WDFY4: variants seen among roughly 807,000 people sequenced by gnomAD.
WDFY4 encodes the protein WDFY family member 4, also known as WD repeat- and FYVE domain-containing protein 4.
A neutral mutation model predicts 351.9 loss-of-function variants in WDFY4; 169 were observed. The observed-to-expected ratio is 0.48, with a 90% CI of 0.42 to 0.55. WDFY4 has a LOEUF of 0.55. Among genes scored for constraint, WDFY4 ranks in the 20% least tolerant of loss-of-function variants. The pLI, the probability that WDFY4 is intolerant of heterozygous loss-of-function variation, is 0.00. For synonymous variants in WDFY4, 1,622 were observed against 1,574.6 expected (o/e 1.03, Z -0.71); for missense variants, 3,803 against 3,935.6 (o/e 0.97, Z 0.90).
At position 48,963,816 on chromosome 10, in the gene WDFY4, T is replaced by C. The variant is rs544051659; in HGVS notation, c.8224-26T>C. 1.0e-4 allele frequency: 160 copies of C among 1,550,590 alleles called. 3 individuals carry two copies. In the South Asian group the frequency reaches 1.8e-3, roughly 18 times the overall value. ...ATGAGTCCATGAGTGGCCTGGGTTT[T>C]AATGCTCTTTGGGTTTTTGTTCCAG... On this transcript the variant is annotated intron_variant, in intron 53 of 61. Coordinates refer to ENST00000325239, the MANE Select transcript of WDFY4 (RefSeq NM_001394531.1).
intron 47 of WDFY4, among the ~76,000 whole-genome samples, chr10:48,933,332 G>A (rs1371012504): frequency 6.6e-6 from 1 of 152,216 alleles, no homozygotes; most frequent in African/African-American, 2.4e-5. Context: ...CCACTTCACA[G>A]ATGAAACACC....
intron 30 of WDFY4, among the ~76,000 whole-genome samples, chr10:48,812,196 T>C (rs2067475979): frequency 1.3e-5 from 2 of 149,460 alleles, no homozygotes; most frequent in South Asian, 4.2e-4. Context: ...TTTTGTTTTT[T>C]TTGTTTTTTT....
chr10:48,791,102 C>T (rs1047260064), intron 23 of WDFY4, among the ~76,000 whole-genome samples, 185 bp downstream of exon 23: 6 of 152,226 alleles, frequency 3.9e-5, no homozygotes, highest in Non-Finnish European at 8.8e-5. Context: ...CGACAGCCAG[C>T]CCAAGAGCTC....
chr10:48,885,390 A>G (rs2070413394), intron 43 of WDFY4, among the ~76,000 whole-genome samples: 1 of 152,226 alleles, frequency 6.6e-6, no homozygotes, highest in South Asian at 2.1e-4. Context: ...CTTAGTGAAC[A>G]CAGGTTATGG....
intron 51 of WDFY4, among the ~76,000 whole-genome samples, chr10:48,952,820 C>A (rs940050750): frequency 6.6e-6 from 1 of 152,230 alleles, no homozygotes; most frequent in Non-Finnish European, 1.5e-5. Flanking sequence ...GCAGCTGGAC[C>A]AGTGCGTGGG....
chr10:48,869,688 G>A (rs758387204), intron 40 of WDFY4, among the ~76,000 whole-genome samples: 2 of 151,856 alleles, frequency 1.3e-5, no homozygotes, highest in African/African-American at 2.4e-5. Flanking sequence ...ACATACTTAG[G>A]CCATCCAGTT....
intron 47 of WDFY4, among the ~76,000 whole-genome samples, chr10:48,936,362 T>C (rs1840359647): frequency 6.6e-6 from 1 of 152,150 alleles, no homozygotes; most frequent in East Asian, 1.9e-4. Flanking sequence ...AAATTAAAAA[T>C]TACCTCAAAT....
chr10:48,717,304 A>G (rs1223913094), intron 2 of WDFY4, among the ~76,000 whole-genome samples: 1 of 152,238 alleles, frequency 6.6e-6, no homozygotes, highest in Non-Finnish European at 1.5e-5. Flanking sequence ...GTTTAACAGT[A>G]ATCCAACATT....
intron 11 of WDFY4, among the ~76,000 whole-genome samples, chr10:48,738,848 A>G (rs2064758774): frequency 6.6e-6 from 1 of 152,136 alleles, no homozygotes; most frequent in Non-Finnish European, 1.5e-5. Flanking sequence ...CCATCTCCGA[A>G]GGGCATTCAC....
At chr10:48,919,957 A>G (rs1168006387) in intron 47 of WDFY4, among the ~76,000 whole-genome samples, 2 of 152,238 alleles carry the variant, frequency 1.3e-5, no homozygotes, top group Non-Finnish European at 1.5e-5. Context: ...CATATAAGAA[A>G]GAGATCTTCA....
chr10:48,688,412 CTT>C (rs1294060534), intron 1 of WDFY4, among the ~76,000 whole-genome samples: 1 of 152,116 alleles, frequency 6.6e-6, no homozygotes, highest in Non-Finnish European at 1.5e-5. Flanking sequence ...ATGAAAATGA[CTT>C]TTCCAATTCA....
intron 45 of WDFY4, among the ~76,000 whole-genome samples, chr10:48,898,115 A>C (rs1837180109): frequency 6.6e-6 from 1 of 152,062 alleles, no homozygotes; most frequent in African/African-American, 2.4e-5. Context: ...TCAGTGCCTC[A>C]CCCATGCCTT....
At chr10:48,883,201 A>G (rs574530914) in intron 43 of WDFY4, among the ~76,000 whole-genome samples, 1 of 152,338 alleles carries the variant, frequency 6.6e-6, no homozygotes, top group African/African-American at 2.4e-5. Flanking sequence ...CCTGGGATGC[A>G]ACATGCCAAG....
chr10:48,835,102 T>A (rs2068338924), intron 39 of WDFY4, among the ~76,000 whole-genome samples: 1 of 152,228 alleles, frequency 6.6e-6, no homozygotes, highest in South Asian at 2.1e-4. Context: ...GAGCACTTAC[T>A]CTGTACCCTG....
intron 20 of WDFY4, among the ~76,000 whole-genome samples, chr10:48,787,936 C>CT (rs1565198997): frequency 2.0e-5 from 2 of 98,270 alleles, no homozygotes; most frequent in African/African-American, 8.8e-5. Context: ...TCTTCTTCTT[C>CT]TTCTTCTTCT....
chr10:48,960,529 CA>C (rs1841809922), intron 53 of WDFY4, among the ~76,000 whole-genome samples: 1 of 152,144 alleles, frequency 6.6e-6, no homozygotes, highest in Admixed American at 6.5e-5. Context: ...TAAAAATTTG[CA>C]GGTGCATTTG....
chr10:48,953,564 C>A (rs1427056463), intron 51 of WDFY4, among the ~76,000 whole-genome samples: 1 of 152,276 alleles, frequency 6.6e-6, no homozygotes, highest in South Asian at 2.1e-4. Context: ...CAGGTTAGAT[C>A]AACTGATATA....
At chr10:48,869,946 AT>A (rs1380946118) in intron 40 of WDFY4, among the ~76,000 whole-genome samples, 3 of 152,212 alleles carry the variant, frequency 2.0e-5, no homozygotes, top group Admixed American at 6.5e-5. Flanking sequence ...AACAAAAAAA[AT>A]GTCTTGTTTT....
intron 32 of WDFY4, among the ~76,000 whole-genome samples, chr10:48,818,212 G>T (rs1023122230): frequency 2.0e-5 from 3 of 152,202 alleles, no homozygotes; most frequent in Non-Finnish European, 4.4e-5. Flanking sequence ...GTGTCTTCCT[G>T]CAAGTTGCCA....
Sources: gnomAD v4.1 joint callset for allele counts (sites outside exome capture counted in the v4.1 genomes callset) on GRCh38, gnomAD v4.1.1 for gene constraint, MANE v1.5 for transcripts, NCBI Gene and HGNC (gene_info 2026-07-23, HGNC 2026-07-21) for gene names.